SNX29: variants seen among roughly 807,000 people sequenced by gnomAD.
SNX29 encodes the protein sorting nexin 29, also known as sorting nexin-29.
A neutral mutation model predicts 102.1 loss-of-function variants in SNX29; 78 were observed. That is an observed-to-expected ratio of 0.76 (90% CI 0.64 to 0.92). The LOEUF is 0.92. Ranked by LOEUF, SNX29 falls within the 40% of genes least tolerant of loss-of-function variation. SNX29 has a pLI of 0.00. For missense variants in SNX29, 1,280 were observed against 1,061.7 expected, an observed-to-expected ratio of 1.21 and a Z score of -2.86; for synonymous variants, 580 against 414.5, an observed-to-expected ratio of 1.40 and a Z score of -4.85.
intron 13 of SNX29, among the ~76,000 whole-genome samples, chr16:12,162,699 T>G (rs1362936606): frequency 6.6e-6 from 1 of 152,218 alleles, no homozygotes; most frequent in African/African-American, 2.4e-5. Flanking sequence ...CAGTGGGGTC[T>G]TGTGTGTCCT....
At chr16:11,989,547 C>G (rs912040793) in intron 1 of SNX29, among the ~76,000 whole-genome samples, 1 of 152,176 alleles carries the variant, frequency 6.6e-6, no homozygotes, top group Non-Finnish European at 1.5e-5. Context: ...AAAACCACCA[C>G]CGCACTCTGC....
intron 9 of SNX29, among the ~76,000 whole-genome samples, chr16:12,064,120 G>T (rs1469838173): frequency 6.6e-6 from 1 of 152,146 alleles, no homozygotes; most frequent in Non-Finnish European, 1.5e-5. Context: ...TTGAATTATT[G>T]TGGAACCGTG....
chr16:12,504,959 G>A (rs1416886388), intron 19 of SNX29, among the ~76,000 whole-genome samples: 1 of 152,138 alleles, frequency 6.6e-6, no homozygotes, highest in Non-Finnish European at 1.5e-5. Context: ...GACATTTGAG[G>A]TGTTTCCATT....
Position 12,572,616 on chromosome 16 carries a change from C to T in SNX29, c.*3987C>T. The T allele has an allele frequency of 3.8e-6, 4 of 1,063,514 alleles. No individual in the cohort carries two copies. The highest frequency in any genetic ancestry group is 4.6e-6 in the Non-Finnish European group (4 of 878,086). 65.9% of individuals were successfully genotyped at this position (1,063,514 alleles called of 1,614,324 possible). On this transcript the variant is annotated 3_prime_UTR_variant, in exon 21 of 21. Coordinates refer to ENST00000566228, the MANE Select transcript of SNX29 (RefSeq NM_032167.5). ...CAGTGAGCCCCCTCCCCTCCGGCTA[C>T]CCCCAGAATCCATCCTTCATTCCTC... is the stretch of plus-strand genomic sequence containing the variant.
At chr16:12,502,715 A>G (rs1230228921) in intron 19 of SNX29, among the ~76,000 whole-genome samples, 1 of 152,202 alleles carries the variant, frequency 6.6e-6, no homozygotes, top group Non-Finnish European at 1.5e-5. Context: ...TCTACGTGAA[A>G]CATGAACTTT....
At chr16:12,171,604 C>T (rs1231927258) in intron 13 of SNX29, among the ~76,000 whole-genome samples, 3 of 152,226 alleles carry the variant, frequency 2.0e-5, no homozygotes, top group Non-Finnish European at 4.4e-5. Flanking sequence ...TAGCCCTCTT[C>T]TGGGGTAGCG....
At chr16:12,271,360 G>C (rs943044580) in intron 14 of SNX29, among the ~76,000 whole-genome samples, 1 of 152,216 alleles carries the variant, frequency 6.6e-6, no homozygotes, top group African/African-American at 2.4e-5. Context: ...TTGCCATGAG[G>C]TTCTCTCCGT....
intron 3 of SNX29, among the ~76,000 whole-genome samples, chr16:12,006,055 T>TA (rs2056440989): frequency 6.6e-5 from 10 of 152,070 alleles, no homozygotes; most frequent in Admixed American, 6.6e-4. Context: ...TTACTAATAA[T>TA]AGGCCAGGCG....
rs552858084 is a variant in SNX29, at chr16:12,269,180, A to G, written c.1679-8753A>G. 6.6e-5 allele frequency among the ~76,000 whole-genome samples: 10 copies of G among 152,370 alleles called. No homozygotes were observed. The South Asian group carries it at 1.2e-3, about 19-fold the overall frequency. ...TTTTCCCATTTGGAGTGGAACTTCT[A>G]TAATTATGCCATCAGGGAGACACAG... On this transcript the variant is annotated intron_variant, in intron 14 of 20. Coordinates refer to ENST00000566228, the MANE Select transcript of SNX29 (RefSeq NM_032167.5).
intron 1 of SNX29, among the ~76,000 whole-genome samples, chr16:11,996,378 C>T (rs982529473): frequency 1.3e-5 from 2 of 151,946 alleles, no homozygotes; most frequent in African/African-American, 4.8e-5. Context: ...GATCCTGTCT[C>T]AGAAAAAAAC....
intron 19 of SNX29, among the ~76,000 whole-genome samples, chr16:12,483,505 C>T (rs969293782): frequency 4.0e-5 from 6 of 151,018 alleles, no homozygotes; most frequent in East Asian, 2.0e-4. Context: ...TTTGTAGAGA[C>T]GGGGTTTCAC....
At chr16:12,237,459 A>G (rs1214597455) in intron 14 of SNX29, among the ~76,000 whole-genome samples, 2 of 152,230 alleles carry the variant, frequency 1.3e-5, no homozygotes, top group African/African-American at 2.4e-5. Flanking sequence ...TGTGACAGCC[A>G]TGCCCCTGGA....
chr16:12,493,758 A>G (rs1007368419), intron 19 of SNX29, among the ~76,000 whole-genome samples: 1 of 152,082 alleles, frequency 6.6e-6, no homozygotes, highest in African/African-American at 2.4e-5. Flanking sequence ...CGCCCAACTA[A>G]TTTTTGTATT....
intron 13 of SNX29, among the ~76,000 whole-genome samples, chr16:12,192,068 T>G (rs2076656356): frequency 6.6e-6 from 1 of 152,246 alleles, no homozygotes. Flanking sequence ...TCGTTAGTTT[T>G]GTTGTGAGTA....
chr16:12,126,300 T>G (rs2054211696), intron 11 of SNX29, among the ~76,000 whole-genome samples: 1 of 152,226 alleles, frequency 6.6e-6, no homozygotes, highest in Non-Finnish European at 1.5e-5. Flanking sequence ...CACTTACATA[T>G]TGTCTTACTG....
rs548184324 is a variant in SNX29 at position 12,544,432 on chromosome 16, C to T, written c.2318+19591C>T. ...ATTATGTCAGCTGGTGGGATTTGGA[C>T]GTTTCTCTTTCTCTACCCTATCTCA... On this transcript the variant is annotated intron_variant, in intron 20 of 20. Coordinates refer to ENST00000566228, the MANE Select transcript of SNX29 (RefSeq NM_032167.5). Among the ~76,000 whole-genome samples, 15 of 152,240 alleles carry T rather than the reference C, an allele frequency of 9.9e-5. No homozygotes were observed. The South Asian group carries it at 2.1e-3, about 21-fold the overall frequency.
At chr16:12,136,840 AGC>A (rs2054681844) in intron 13 of SNX29, among the ~76,000 whole-genome samples, 2 of 152,158 alleles carry the variant, frequency 1.3e-5, no homozygotes, top group African/African-American at 2.4e-5. Flanking sequence ...CCTGGGTTCA[AGC>A]AATTCTCCTG....
intron 20 of SNX29, among the ~76,000 whole-genome samples, chr16:12,532,646 C>G (rs187817860): frequency 6.6e-6 from 1 of 152,140 alleles, no homozygotes; most frequent in Non-Finnish European, 1.5e-5. Flanking sequence ...TGATATAAAA[C>G]GTGGAATTGG....
At chr16:12,555,681 T>G (rs183266827) in intron 20 of SNX29, among the ~76,000 whole-genome samples, 1 of 152,200 alleles carries the variant, frequency 6.6e-6, no homozygotes, top group Non-Finnish European at 1.5e-5. Context: ...AGTCTGAGAA[T>G]AAGCCTTCCG....
Sources: gnomAD v4.1 joint callset for allele counts (sites outside exome capture counted in the v4.1 genomes callset) on GRCh38, gnomAD v4.1.1 for gene constraint, MANE v1.5 for transcripts, NCBI Gene and HGNC (gene_info 2026-07-23, HGNC 2026-07-21) for gene names.